Variants in CTCF observed in about 807,000 individuals in gnomAD.
CTCF encodes the protein CCCTC-binding factor, also known as transcriptional repressor CTCF.
Under a neutral mutation model 72.3 loss-of-function variants are expected in CTCF, and 7 were observed. The ratio of observed to expected loss-of-function variants is 0.10; its 90% CI spans 0.06 to 0.18. The LOEUF is 0.18. CTCF is among the 10% of genes least tolerant of loss of function. The pLI, the probability that CTCF is intolerant of heterozygous loss-of-function variation, is 1.00. For synonymous variants in CTCF, 374 were observed against 315.8 expected (o/e 1.18, Z -1.95); for missense variants, 516 against 949.1 (o/e 0.54, Z 6.00).
chr16:67,602,712 A>G (rs542356236), intron 2 of CTCF, among the ~76,000 whole-genome samples: 4 of 151,794 alleles, frequency 2.6e-5, no homozygotes. Context: ...GTGGTGGCGC[A>G]TGCCTGTAAT....
At chr16:67,568,027 G>GT (rs1427698754) in intron 1 of CTCF, 2 of 149,722 alleles carry the variant, frequency 1.3e-5, no homozygotes, top group Non-Finnish European at 2.9e-5. Flanking sequence ...AGCCTTCCAA[G>GT]TAGCTGGGAC....
chr16:67,591,520 T>A (rs1015969889), intron 2 of CTCF, among the ~76,000 whole-genome samples: 1 of 152,236 alleles, frequency 6.6e-6, no homozygotes, highest in African/African-American at 2.4e-5. Context: ...TTTGCTTTGA[T>A]GTATTTTAAG....
intron 2 of CTCF, among the ~76,000 whole-genome samples, chr16:67,604,804 A>G (rs1321955130): frequency 7.0e-6 from 1 of 143,294 alleles, no homozygotes; most frequent in African/African-American, 2.7e-5. Flanking sequence ...AATTACATAT[A>G]ATGTGGCTTA....
Position 67,611,276 on chromosome 16 carries a change from G to A in CTCF, c.444G>A (p.Ala148=), listed in dbSNP as rs148372058. 49 of 1,614,080 alleles carry A rather than the reference G, an allele frequency of 3.0e-5. No individual in the cohort carries two copies. The highest frequency in any genetic ancestry group is 4.0e-5 in the Non-Finnish European group (47 of 1,180,028). ...ATGAAGTGTCTAAAGAGGGCCTTGC[G>A]GAAAGTGAACCCATGATATGCCACA... ...YENEVSKEGL[A]ESEPMICHTL... Residue 148 remains alanine (A), a synonymous_variant, in exon 3 of 12, where the codon GCG becomes GCA. Transcript: ENST00000264010.
intron 2 of CTCF, among the ~76,000 whole-genome samples, chr16:67,577,252 A>G (rs1003707146): frequency 1.3e-5 from 2 of 151,574 alleles, no homozygotes; most frequent in Non-Finnish European, 2.9e-5. Context: ...CCCCGTTTCT[A>G]CTAAAAATAC....
chr16:67,632,188 C>T (rs773454975), intron 10 of CTCF, among the ~76,000 whole-genome samples: 2 of 152,060 alleles, frequency 1.3e-5, no homozygotes, highest in Non-Finnish European at 2.9e-5. Context: ...CTTGGGGATC[C>T]CTATAGTTGT....
rs2052462650 is a variant in CTCF at position 67,638,462 on chromosome 16, T to C, written c.*590T>C. On this transcript the variant is annotated 3_prime_UTR_variant, in exon 12 of 12. Coordinates refer to ENST00000264010, the MANE Select transcript of CTCF (RefSeq NM_006565.4). ...TTTACATTTTAATCTTTTCCATTAA[T>C]TAAGAGGTTGAAAAGAAGTGCAGTG... is the stretch of plus-strand genomic sequence containing the variant. 4.5e-6 allele frequency: 1 copy of C among 224,008 alleles called. No individual in the cohort carries two copies. The highest frequency in any genetic ancestry group is 8.9e-6 in the Non-Finnish European group (1 of 111,932). 13.9% of individuals were successfully genotyped at this position (224,008 alleles called of 1,614,324 possible).
At chr16:67,582,734 G>A (rs1425728988) in intron 2 of CTCF, among the ~76,000 whole-genome samples, 1 of 151,848 alleles carries the variant, frequency 6.6e-6, no homozygotes, top group Admixed American at 6.6e-5. Context: ...GACTCTGAGA[G>A]CCAAGTTTAT....
intron 2 of CTCF, among the ~76,000 whole-genome samples, chr16:67,592,872 C>G (rs947510808): frequency 1.3e-5 from 2 of 151,206 alleles, no homozygotes; most frequent in East Asian, 2.0e-4. Flanking sequence ...ACTAAAAATA[C>G]AAAAATTAGC....
chr16:67,621,135 C>T, intron 6 of CTCF: 3 of 360,960 alleles, frequency 8.3e-6, no homozygotes. Context: ...TTCAGTTTTC[C>T]TGGATATTGT....
chr16:67,562,690 G>A lies in CTCF; in HGVS notation c.-161G>A, dbSNP rs530276267. The A allele has an allele frequency of 6.6e-6, 1 of 151,648 alleles. No homozygotes were observed. The highest frequency in any genetic ancestry group is 2.4e-5 in the African/African-American group (1 of 41,268). The allele number at this position is 151,648 out of a possible 1,614,324, so 9.4% of individuals were successfully genotyped here. ...CGGGTGGCCGGAGCCGTGGAGCGGC[G>A]GCGGAGCGGGCGCCGCGGGGGGTGT... On this transcript the variant is annotated 5_prime_UTR_variant, in exon 1 of 12. Transcript: ENST00000264010.
At chr16:67,567,109 T>C (rs2051353334) in intron 1 of CTCF, among the ~76,000 whole-genome samples, 1 of 152,190 alleles carries the variant, frequency 6.6e-6, no homozygotes. Flanking sequence ...CCCAAAGTGC[T>C]GGGATTAGGT....
intron 2 of CTCF, among the ~76,000 whole-genome samples, chr16:67,593,656 G>T (rs1160151543): frequency 6.6e-6 from 1 of 152,100 alleles, no homozygotes; most frequent in Non-Finnish European, 1.5e-5. Flanking sequence ...AAGTTCATGG[G>T]GTCTTAGAGC....
chr16:67,620,442 T>C (rs1423394202), intron 5 of CTCF, among the ~76,000 whole-genome samples: 2 of 152,182 alleles, frequency 1.3e-5, no homozygotes, highest in African/African-American at 4.8e-5. Context: ...TCAGATGATC[T>C]GCCCACCTCA....
At chr16:67,588,736 G>C (rs1374858803) in intron 2 of CTCF, among the ~76,000 whole-genome samples, 1 of 151,998 alleles carries the variant, frequency 6.6e-6, no homozygotes, top group East Asian at 1.9e-4. Flanking sequence ...CCCCAGACTA[G>C]AGTGCAGTGG....
At chr16:67,622,927 G>T (rs891209506) in intron 7 of CTCF, among the ~76,000 whole-genome samples, 1 of 149,120 alleles carries the variant, frequency 6.7e-6, no homozygotes, top group East Asian at 2.0e-4. Context: ...CTCCCAAAGT[G>T]CTGGGATTAC....
Position 67,611,452 on chromosome 16 carries a change from C to T in CTCF, c.620C>T (p.Thr207Ile). ...CCACCAGCCAAAAAAACAAAGAAAACCAAAAAGAGCAAACTGCGTTATACA... is the reference window on the plus strand; with the variant it reads ...CCACCAGCCAAAAAAACAAAGAAAATCAAAAAGAGCAAACTGCGTTATACA... Reference protein sequence around the residue: ...YQPPAKKTKKTKKSKLRYTEE... With the variant: ...YQPPAKKTKKIKKSKLRYTEE... Residue 207 changes from threonine (T) to isoleucine (I), a missense_variant, in exon 3 of 12, where the codon ACC (threonine) becomes ATC (isoleucine). By Grantham distance (89) the Thr-to-Ile change is moderately conservative. Transcript: ENST00000264010. 1.9e-6 allele frequency: 3 copies of T among 1,614,066 alleles called. No individual in the cohort carries two copies. The highest frequency in any genetic ancestry group is 2.5e-6 in the Non-Finnish European group (3 of 1,180,032).
intron 11 of CTCF, among the ~76,000 whole-genome samples, chr16:67,637,082 C>T (rs1051416273): frequency 6.6e-6 from 1 of 152,130 alleles, no homozygotes; most frequent in Non-Finnish European, 1.5e-5. Flanking sequence ...TAGAAGGGTA[C>T]TTGTGTTCTG....
chr16:67,618,297 G>C (rs2052159322), intron 5 of CTCF, among the ~76,000 whole-genome samples: 1 of 152,178 alleles, frequency 6.6e-6, no homozygotes, highest in Non-Finnish European at 1.5e-5. Context: ...AGCGACTCGG[G>C]AGCCTGAGGC....
Sources: gnomAD v4.1 joint callset for allele counts (sites outside exome capture counted in the v4.1 genomes callset) on GRCh38, gnomAD v4.1.1 for gene constraint, MANE v1.5 for transcripts, NCBI Gene and HGNC (gene_info 2026-07-23, HGNC 2026-07-21) for gene names.